Variants in FOXN3 observed in about 807,000 individuals in gnomAD.
FOXN3 encodes forkhead box N3.
In FOXN3, 7 loss-of-function variants were observed where a neutral mutation model predicts 38.4. The observed-to-expected ratio is 0.18, with a 90% CI of 0.10 to 0.34. The LOEUF (loss-of-function observed/expected upper bound fraction) is 0.34, where lower values mean the gene tolerates loss of function less well. Ranked by LOEUF, FOXN3 falls within the 10% of genes least tolerant of loss-of-function variation. FOXN3 has a pLI of 1.00. For synonymous variants in FOXN3, 230 were observed against 242.2 expected (o/e 0.95, Z 0.47); for missense variants, 456 against 613.4 (o/e 0.74, Z 2.71).
intron 3 of FOXN3, among the ~76,000 whole-genome samples, chr14:89,338,171 T>C (rs1888519097): frequency 6.6e-6 from 1 of 152,140 alleles, no homozygotes; most frequent in African/African-American, 2.4e-5. Flanking sequence ...AATTGCTAAA[T>C]TGTCTTTCAT....
chr14:89,476,687 G>C (rs904123704), intron 1 of FOXN3, among the ~76,000 whole-genome samples: 1 of 152,198 alleles, frequency 6.6e-6, no homozygotes, highest in Non-Finnish European at 1.5e-5. Context: ...CTTCGCAGGG[G>C]GTTGGGTCCG....
chr14:89,507,405 A>G (rs1203980388), intron 1 of FOXN3, among the ~76,000 whole-genome samples: 2 of 152,220 alleles, frequency 1.3e-5, no homozygotes, highest in East Asian at 1.9e-4. Context: ...GCCAGGTAAC[A>G]CTTGAGAAAT....
rs148324196 is a variant in FOXN3, at chr14:89,270,414, T to C, written c.745+10536A>G. Among the ~76,000 whole-genome samples the C allele has an allele frequency of 5.3e-3, 809 of 152,358 alleles. 4 individuals carry two copies. Among genetic ancestry groups the C allele is most frequent in the Non-Finnish European group, 8.3e-3 (565 of 68,030 alleles). On this transcript the variant is annotated intron_variant, in intron 4 of 5. Coordinates refer to ENST00000557258, the MANE Select transcript of FOXN3 (RefSeq NM_005197.4). ...CTATCATAAGCATCATTAATTCTAT[T>C]TATTGGATACCCAATCATCACCAGG... is the stretch of plus-strand genomic sequence containing the variant.
intron 1 of FOXN3, among the ~76,000 whole-genome samples, chr14:89,563,374 G>A (rs1390866995): frequency 6.6e-6 from 1 of 152,196 alleles, no homozygotes; most frequent in Non-Finnish European, 1.5e-5. Context: ...GAGGCAGACA[G>A]TATCCCAGGT....
intron 2 of FOXN3, among the ~76,000 whole-genome samples, chr14:89,363,949 T>TAA (rs1889989899): frequency 7.4e-4 from 2 of 2,694 alleles, no homozygotes; most frequent in African/African-American, 8.5e-4. Context: ...GTCTGTAAAA[T>TAA]ATATATATAT....
chr14:89,417,288 G>C (rs1346991395), upstream of FOXN3: 1 of 147,804 alleles, frequency 6.8e-6, no homozygotes, highest in Non-Finnish European at 1.5e-5. Flanking sequence ...GGGAGGGACA[G>C]AGCGGAGGGC....
Position 89,325,301 on chromosome 14 carries a change from ACACCACCACCACGACCAC to A in FOXN3, c.680+25353_680+25370del, listed in dbSNP as rs1181679831. ...ACCAACACCAACACCACCAACACCA[ACACCACCACCACGACCAC>A]CACCACCACCACCACCACCACCACC... On this transcript the variant is annotated intron_variant, in intron 3 of 5. Coordinates refer to ENST00000557258, the MANE Select transcript of FOXN3 (RefSeq NM_005197.4). Among the ~76,000 whole-genome samples, 680 of 80,302 alleles carry A rather than the reference ACACCACCACCACGACCAC, an allele frequency of 8.5e-3. 9 individuals are homozygous for A. The highest frequency in any genetic ancestry group is 0.03 in the African/African-American group (661 of 22,288). The allele number at this position is 80,302 out of a possible 152,430, so 52.7% of individuals were successfully genotyped here.
intron 1 of FOXN3, among the ~76,000 whole-genome samples, chr14:89,492,683 G>A (rs918175907): frequency 4.6e-5 from 7 of 152,166 alleles, no homozygotes; most frequent in African/African-American, 1.7e-4. Flanking sequence ...CTGCACTCTG[G>A]CCTGGGCGAC....
intron 4 of FOXN3, among the ~76,000 whole-genome samples, chr14:89,260,866 T>C (rs1885777193): frequency 1.3e-5 from 2 of 152,274 alleles, no homozygotes; most frequent in Non-Finnish European, 2.9e-5. Flanking sequence ...TGTTCTTTTA[T>C]GTATTTTAGT....
chr14:89,250,420 T>C (rs747815687), intron 4 of FOXN3, among the ~76,000 whole-genome samples: 7 of 152,220 alleles, frequency 4.6e-5, no homozygotes, highest in Non-Finnish European at 1.0e-4. Flanking sequence ...CTGGTTTTGT[T>C]TTCTAAAGTG....
chr14:89,557,253 C>G (rs1441587156), intron 1 of FOXN3, among the ~76,000 whole-genome samples: 2 of 152,188 alleles, frequency 1.3e-5, no homozygotes, highest in African/African-American at 4.8e-5. Context: ...CATTTCCTCT[C>G]AAGACTAGTC....
rs114109515 is a variant in FOXN3, at chr14:89,463,837, T to C, written c.-14-51347A>G. Reference sequence around the variant, plus strand: ...TGTGCTCTTGTCACTCAGACTGGAGTGCAGTGACGCAATCTCAGCTCACTG... The same window carrying C: ...TGTGCTCTTGTCACTCAGACTGGAGCGCAGTGACGCAATCTCAGCTCACTG... On this transcript the variant is annotated intron_variant, in intron 1 of 6. Transcript: ENST00000345097. 1.0e-2 allele frequency among the ~76,000 whole-genome samples: 1,494 copies of C among 149,482 alleles called. 21 individuals are homozygous for C. The highest frequency in any genetic ancestry group is 0.035 in the African/African-American group (1,425 of 40,422).
intron 4 of FOXN3, among the ~76,000 whole-genome samples, chr14:89,277,147 CTT>C (rs762332308): frequency 2.0e-5 from 3 of 152,202 alleles, no homozygotes; most frequent in Non-Finnish European, 4.4e-5. Flanking sequence ...ATAAAAAAGA[CTT>C]TATTCTTTTC....
At chr14:89,388,178 C>T (rs890559495) in intron 2 of FOXN3, among the ~76,000 whole-genome samples, 4 of 152,118 alleles carry the variant, frequency 2.6e-5, no homozygotes, top group Non-Finnish European at 5.9e-5. Flanking sequence ...AACAAGATTC[C>T]GTCTTGGAGG....
intron 1 of FOXN3, among the ~76,000 whole-genome samples, chr14:89,617,925 G>C (rs1186414778): frequency 6.6e-6 from 1 of 152,130 alleles, no homozygotes; most frequent in Non-Finnish European, 1.5e-5. Context: ...AGTTAAAGTG[G>C]GCTCCAGTCA....
Position 89,163,822 on chromosome 14 carries a change from G to A in FOXN3, c.852-853C>T, listed in dbSNP as rs1447602651. Among the ~76,000 whole-genome samples the A allele has an allele frequency of 2.6e-5, 4 of 152,134 alleles. No homozygotes were observed. Among genetic ancestry groups the A allele is most frequent in the South Asian group, 2.1e-4 (1 of 4,818 alleles). On this transcript the variant is annotated intron_variant, in intron 5 of 5. Coordinates refer to ENST00000557258, the MANE Select transcript of FOXN3 (RefSeq NM_005197.4). The surrounding 1 kb of genome is among the most constrained non-coding windows in gnomAD (Gnocchi z 4.3). ...TAAAGTCACACAACTGATCACTTGC[G>A]GAGCAGGGACTGGAATCAAAGTCTG...
intron 3 of FOXN3, among the ~76,000 whole-genome samples, chr14:89,314,929 G>A (rs1484658956): frequency 6.6e-6 from 1 of 152,086 alleles, no homozygotes; most frequent in Non-Finnish European, 1.5e-5. Flanking sequence ...CAGCCTAAAA[G>A]AATGGAAATT....
At chr14:89,446,194 T>G (rs1450742057) in intron 1 of FOXN3, among the ~76,000 whole-genome samples, 1 of 31,964 alleles carries the variant, frequency 3.1e-5, no homozygotes, top group African/African-American at 1.0e-4. Flanking sequence ...TTTTTTTTTT[T>G]TCTTTTTTTT....
chr14:89,565,574 C>G (rs1003722789), intron 1 of FOXN3, among the ~76,000 whole-genome samples: 8 of 152,094 alleles, frequency 5.3e-5, no homozygotes, highest in African/African-American at 1.7e-4. Context: ...TTGGGCTGGA[C>G]GAGGCCTAAG....
Sources: gnomAD v4.1 joint callset for allele counts (sites outside exome capture counted in the v4.1 genomes callset) on GRCh38, gnomAD v4.1.1 for gene constraint, Gnocchi (gnomAD v3.1) non-coding constraint, MANE v1.5 for transcripts, NCBI Gene and HGNC (gene_info 2026-07-23, HGNC 2026-07-21) for gene names.